SGCD: variants seen among roughly 807,000 people sequenced by gnomAD.
SGCD encodes the protein delta-sarcoglycan.
In SGCD, 18 loss-of-function variants were observed where a neutral mutation model predicts 36.6. The observed-to-expected ratio is 0.49, with a 90% CI of 0.34 to 0.73. The LOEUF is 0.73. Among genes scored for constraint, SGCD ranks in the 30% least tolerant of loss-of-function variants. The pLI, the probability that SGCD is intolerant of heterozygous loss-of-function variation, is 0.01. For synonymous variants in SGCD, 133 were observed against 130.6 expected, an observed-to-expected ratio of 1.02 and a Z score of -0.12; for missense variants, 387 against 346.7, an observed-to-expected ratio of 1.12 and a Z score of -0.92.
At chr5:156,259,878 G>A (rs191463311) in intron 3 of SGCD, among the ~76,000 whole-genome samples, 3 of 152,212 alleles carry the variant, frequency 2.0e-5, no homozygotes, top group Non-Finnish European at 4.4e-5. Flanking sequence ...ATGTTATGAG[G>A]TTGCAAAAAG....
At chr5:156,276,335 T>C (rs1409678150) in intron 3 of SGCD, among the ~76,000 whole-genome samples, 1 of 152,174 alleles carries the variant, frequency 6.6e-6, no homozygotes, top group Admixed American at 6.6e-5. Flanking sequence ...ACTATATTAT[T>C]TATTCATTTT....
chr5:156,050,929 C>T (rs1393749641), intron 1 of SGCD, among the ~76,000 whole-genome samples: 1 of 146,420 alleles, frequency 6.8e-6, no homozygotes, highest in Non-Finnish European at 1.5e-5. Flanking sequence ...CTTCCCACCT[C>T]AGGATCCTTA....
At chr5:156,690,113 ATAT>A (rs754856424) in intron 7 of SGCD, among the ~76,000 whole-genome samples, 20 of 152,326 alleles carry the variant, frequency 1.3e-4, no homozygotes, top group Non-Finnish European at 2.9e-4. Flanking sequence ...TGCTTTACAA[ATAT>A]TAATTCACTT....
chr5:156,743,107 T>C (rs1756768619), intron 7 of SGCD, among the ~76,000 whole-genome samples: 1 of 89,880 alleles, frequency 1.1e-5, no homozygotes, highest in Admixed American at 1.7e-4. Flanking sequence ...GCTTCCTACA[T>C]CTTTTTTTTT....
intron 1 of SGCD, among the ~76,000 whole-genome samples, chr5:156,081,754 C>T (rs1351062238): frequency 6.6e-6 from 1 of 152,122 alleles, no homozygotes; most frequent in Non-Finnish European, 1.5e-5. Flanking sequence ...GGAAAACTTT[C>T]ACTTAACTCT....
At chr5:156,520,290 C>T (rs1757345485) in intron 4 of SGCD, among the ~76,000 whole-genome samples, 1 of 152,078 alleles carries the variant, frequency 6.6e-6, no homozygotes, top group South Asian at 2.1e-4. Flanking sequence ...AATAAAATAC[C>T]TAGGAATACA....
At chr5:156,160,664 C>A (rs549668592) in intron 3 of SGCD, among the ~76,000 whole-genome samples, 1 of 151,768 alleles carries the variant, frequency 6.6e-6, no homozygotes, top group South Asian at 2.1e-4. Context: ...CCCTCTATAG[C>A]ATTTACGCCT....
chr5:156,335,013 G>A (rs963559614), intron 2 of SGCD, among the ~76,000 whole-genome samples: 1 of 152,058 alleles, frequency 6.6e-6, no homozygotes, highest in Non-Finnish European at 1.5e-5. Context: ...ACTAGTTAGG[G>A]GTCTTTGAGA....
intron 4 of SGCD, among the ~76,000 whole-genome samples, chr5:156,573,179 ACTT>A (rs1759793323): frequency 1.3e-5 from 2 of 152,174 alleles, no homozygotes; most frequent in African/African-American, 4.8e-5. Context: ...CACATACTGT[ACTT>A]CTTAAGAGCT....
intron 3 of SGCD, among the ~76,000 whole-genome samples, chr5:156,127,854 CAAAAA>C (rs56822746): frequency 1.0e-3 from 19 of 18,442 alleles, no homozygotes; most frequent in Admixed American, 4.5e-3. Flanking sequence ...AACATAAATG[CAAAAA>C]AAAAAAAAAA....
At chr5:155,787,053 G>A in the SGCD span, among the ~76,000 whole-genome samples, 2 of 152,186 alleles carry the variant, frequency 1.3e-5, no homozygotes, top group African/African-American at 4.8e-5. Context: ...GCCCGGTAAT[G>A]GCTTGCATTG....
At chr5:156,513,953 G>GA in intron 4 of SGCD, among the ~76,000 whole-genome samples, 1 of 152,308 alleles carries the variant, frequency 6.6e-6, no homozygotes, top group East Asian at 1.9e-4. Flanking sequence ...TCCAAAGGCA[G>GA]AATGTCTTAG....
intron 4 of SGCD, among the ~76,000 whole-genome samples, chr5:156,586,157 G>T (rs1313891236): frequency 2.0e-5 from 3 of 151,810 alleles, no homozygotes; most frequent in Non-Finnish European, 2.9e-5. Context: ...TACGCTCTTG[G>T]CTGTGATAGT....
At chr5:155,896,969 C>G (rs1442242762) in intron 1 of SGCD, among the ~76,000 whole-genome samples, 1 of 152,160 alleles carries the variant, frequency 6.6e-6, no homozygotes, top group East Asian at 1.9e-4. Context: ...AGCAAAACCA[C>G]TTATTGGCAT....
At chr5:155,816,162 A>T in the SGCD span, among the ~76,000 whole-genome samples, 1 of 152,182 alleles carries the variant, frequency 6.6e-6, no homozygotes, top group Non-Finnish European at 1.5e-5. Context: ...AACATGACAT[A>T]TGAGCTAATA....
chr5:155,987,388 C>G (rs1202425193), intron 1 of SGCD, among the ~76,000 whole-genome samples: 2 of 152,160 alleles, frequency 1.3e-5, no homozygotes, highest in African/African-American at 4.8e-5. Context: ...GTTCCAGGCT[C>G]ACTGTCCTCG....
chr5:156,657,627 G>A (rs1008722289), intron 7 of SGCD, among the ~76,000 whole-genome samples: 2 of 152,072 alleles, frequency 1.3e-5, no homozygotes, highest in East Asian at 1.9e-4. Flanking sequence ...GCTGGGTGTG[G>A]TGGTGCATGC....
intron 6 of SGCD, among the ~76,000 whole-genome samples, chr5:156,596,874 G>A (rs1037170279): frequency 1.3e-5 from 2 of 151,884 alleles, no homozygotes; most frequent in African/African-American, 2.4e-5. Context: ...CCTCACCCCC[G>A]ACTCTCCCAC....
intron 7 of SGCD, among the ~76,000 whole-genome samples, chr5:156,678,622 GA>G (rs1018772971): frequency 6.6e-6 from 1 of 152,212 alleles, no homozygotes; most frequent in African/African-American, 2.4e-5. Flanking sequence ...CATCAAAGGT[GA>G]TGGTTCATTA....
Sources: allele counts gnomAD v4.1 joint callset (sites outside exome capture counted in the v4.1 genomes callset), GRCh38; gene constraint gnomAD v4.1.1; transcripts MANE v1.5; gene names NCBI Gene and HGNC (gene_info 2026-07-23, HGNC 2026-07-21).